The following PARPBP variants were observed in gnomAD, a reference collection of about 807,000 sequenced individuals.
PARPBP encodes PARP1 binding protein.
In PARPBP, 52 loss-of-function variants were observed where a neutral mutation model predicts 50.0. The observed-to-expected ratio is 1.04, with a 90% CI of 0.83 to 1.31. The LOEUF (loss-of-function observed/expected upper bound fraction) is 1.31. PARPBP is among the 50% of genes most tolerant of loss of function. The probability of loss-of-function intolerance (pLI) is 0.00; values close to 1 mark genes in which losing one functional copy is unlikely to be tolerated. For synonymous variants in PARPBP, 244 were observed against 232.1 expected (o/e 1.05, Z -0.47); for missense variants, 697 against 672.0 (o/e 1.04, Z -0.41).
intron 2 of PARPBP, among the ~76,000 whole-genome samples, chr12:102,138,520 T>C (rs1373043280): frequency 1.3e-5 from 2 of 152,210 alleles, no homozygotes; most frequent in African/African-American, 4.8e-5. Context: ...TTAGATCCCA[T>C]TTATCAATTT....
intron 2 of PARPBP, among the ~76,000 whole-genome samples, chr12:102,141,067 A>G (rs910914991): frequency 6.6e-6 from 1 of 152,140 alleles, no homozygotes; most frequent in Non-Finnish European, 1.5e-5. Flanking sequence ...TGATCTATCT[A>G]ATGTTGACAG....
At chr12:102,123,777 C>A (rs751972113) in intron 1 of PARPBP, 109 bp from the exon 2 acceptor site, 25 of 565,370 alleles carry the variant, frequency 4.4e-5, no homozygotes, top group Non-Finnish European at 6.8e-5. Context: ...TATGAAATGA[C>A]CTCTCATTCA....
intron 5 of PARPBP, among the ~76,000 whole-genome samples, 190 bp from the exon 6 acceptor site, chr12:102,165,539 C>G (rs1056083859): frequency 6.6e-6 from 1 of 152,152 alleles, no homozygotes; most frequent in Non-Finnish European, 1.5e-5. Context: ...ACCACACTTG[C>G]TAGCATGAAT....
chr12:102,184,046 GAAAAA>G (rs71438459), intron 9 of PARPBP, among the ~76,000 whole-genome samples: 7 of 59,950 alleles, frequency 1.2e-4, no homozygotes, highest in South Asian at 6.2e-4. Flanking sequence ...GACTCTATCT[GAAAAA>G]AAAAAAAAAA....
At chr12:102,128,264 C>T (rs1472086670) in intron 2 of PARPBP, among the ~76,000 whole-genome samples, 1 of 152,104 alleles carries the variant, frequency 6.6e-6, no homozygotes, top group Non-Finnish European at 1.5e-5. Context: ...TGGAGTCTCA[C>T]TCTGTCTCCC....
At chr12:102,187,789 T>A (rs751173267) in intron 9 of PARPBP, among the ~76,000 whole-genome samples, 39 of 152,160 alleles carry the variant, frequency 2.6e-4, no homozygotes, top group Admixed American at 4.6e-4. Context: ...CTTCTTTTTT[T>A]CATGAGGATA....
chr12:102,139,488 T>C (rs1434070934), intron 2 of PARPBP, among the ~76,000 whole-genome samples: 1 of 152,228 alleles, frequency 6.6e-6, no homozygotes, highest in Non-Finnish European at 1.5e-5. Flanking sequence ...TTCTCCTGCC[T>C]GATTGCCCTG....
chr12:102,176,361 T>C (rs1273256933), intron 7 of PARPBP, among the ~76,000 whole-genome samples: 8 of 152,238 alleles, frequency 5.3e-5, no homozygotes, highest in African/African-American at 1.9e-4. Flanking sequence ...CTGACTTTAA[T>C]ACTAAGCATT....
At chr12:102,161,614 G>A (rs1285380076) in intron 4 of PARPBP, among the ~76,000 whole-genome samples, 1 of 151,978 alleles carries the variant, frequency 6.6e-6, no homozygotes, top group Non-Finnish European at 1.5e-5. Flanking sequence ...AGTAATAGGA[G>A]GATTAAGAAA....
chr12:102,140,260 T>C (rs1000601185), intron 2 of PARPBP, among the ~76,000 whole-genome samples: 2 of 152,230 alleles, frequency 1.3e-5, no homozygotes, highest in Non-Finnish European at 2.9e-5. Context: ...GATTTTCTAG[T>C]TCATTTGCAT....
In PARPBP at chr12:102,148,128, A is replaced by T. The variant is rs548217913; in HGVS notation, c.154-102A>T. On this transcript the variant is annotated intron_variant, in intron 2 of 10. Transcript: ENST00000327680. ...TCAAACCCACAAAAATTGAATGTAG[A>T]CTTTACCAAAATTTAATTTGTATTT... is the stretch of plus-strand genomic sequence containing the variant. The T allele has an allele frequency of 3.9e-5, 21 of 544,040 alleles. No individual in the cohort carries two copies. In the South Asian group the frequency reaches 6.6e-4, roughly 17 times the overall value. 33.7% of individuals were successfully genotyped at this position (544,040 alleles called of 1,614,324 possible).
rs1890486699 is a variant in PARPBP, at chr12:102,188,267, T to C, written c.1263+5640T>C. Among the ~76,000 whole-genome samples the C allele has an allele frequency of 3.3e-5, 5 of 151,914 alleles. No homozygotes were observed. In the South Asian group the frequency reaches 1.0e-3, roughly 32 times the overall value. On this transcript the variant is annotated intron_variant, in intron 9 of 10. Coordinates refer to ENST00000327680, the MANE Select transcript of PARPBP (RefSeq NM_017915.5). ...GTGCCTCAAACACGTGGCTGGTCTT[T>C]TTTTTTTTTCAAGATATTTGCCATA...
At chr12:102,162,289 A>T (rs2139485618) in intron 4 of PARPBP, among the ~76,000 whole-genome samples, 1 of 152,310 alleles carries the variant, frequency 6.6e-6, no homozygotes, top group East Asian at 1.9e-4. Flanking sequence ...GCATTTACAG[A>T]TGATAAATTC....
chr12:102,120,484 T>C (rs1247040808), intron 1 of PARPBP, 198 bp downstream of exon 1: 2 of 456,588 alleles, frequency 4.4e-6, no homozygotes, highest in Admixed American at 2.3e-5. Context: ...TATCTAGCGA[T>C]GGAGCTGGTA....
chr12:102,194,847 A>G (rs745566497), intron 9 of PARPBP, among the ~76,000 whole-genome samples: 13 of 151,060 alleles, frequency 8.6e-5, no homozygotes, highest in Non-Finnish European at 1.6e-4. Flanking sequence ...TCTTTTTTTC[A>G]TCTTAGCATT....
chr12:102,157,265 G>T (rs973729023), intron 4 of PARPBP, among the ~76,000 whole-genome samples: 9 of 152,082 alleles, frequency 5.9e-5, no homozygotes, highest in African/African-American at 2.2e-4. Flanking sequence ...TGACATGTGG[G>T]TCCCTGGAAT....
At chr12:102,137,153 C>T (rs1242158373) in intron 2 of PARPBP, among the ~76,000 whole-genome samples, 1 of 152,102 alleles carries the variant, frequency 6.6e-6, no homozygotes, top group Admixed American at 6.5e-5. Flanking sequence ...CGGGGTTTCA[C>T]CATGTTAGCC....
chr12:102,139,140 T>C (rs946000998), intron 2 of PARPBP, among the ~76,000 whole-genome samples: 3 of 152,258 alleles, frequency 2.0e-5, no homozygotes, highest in African/African-American at 7.2e-5. Context: ...TTCTTCCATT[T>C]GTCTGTGTCC....
intron 4 of PARPBP, among the ~76,000 whole-genome samples, chr12:102,157,939 T>C (rs1887131675): frequency 6.6e-6 from 1 of 151,652 alleles, no homozygotes; most frequent in Non-Finnish European, 1.5e-5. Flanking sequence ...GCTAACACGG[T>C]GAACCCTCGT....
Sources: allele counts gnomAD v4.1 joint callset (sites outside exome capture counted in the v4.1 genomes callset), GRCh38; gene constraint gnomAD v4.1.1; transcripts MANE v1.5; gene names NCBI Gene and HGNC (gene_info 2026-07-23, HGNC 2026-07-21).